Variants in CLVS2 observed in about 807,000 individuals in gnomAD.
CLVS2 encodes clavesin-2.
A neutral mutation model predicts 29.0 loss-of-function variants in CLVS2; 19 were observed. That is an observed-to-expected ratio of 0.66 (90% confidence interval 0.46 to 0.96). CLVS2 has a LOEUF of 0.96. CLVS2 is among the 40% of genes least tolerant of loss of function. The probability of loss-of-function intolerance (pLI) is 0.00; values close to 1 mark genes in which losing one functional copy is unlikely to be tolerated. For missense variants in CLVS2, 294 were observed against 404.1 expected (o/e 0.73, Z 2.34); for synonymous variants, 161 against 151.3 (o/e 1.06, Z -0.47).
intron 3 of CLVS2, among the ~76,000 whole-genome samples, chr6:123,043,989 A>C (rs2114349299): frequency 6.6e-6 from 1 of 152,332 alleles, no homozygotes; most frequent in Admixed American, 6.5e-5. Context: ...GATACATATC[A>C]ATTAATTTAC....
intron 2 of CLVS2, among the ~76,000 whole-genome samples, chr6:122,999,082 A>C (rs948749925): frequency 2.0e-5 from 3 of 152,232 alleles, no homozygotes; most frequent in Non-Finnish European, 4.4e-5. Context: ...ATTAAGTTCA[A>C]AGTTAAATAT....
intron 3 of CLVS2, among the ~76,000 whole-genome samples, chr6:123,018,777 A>G (rs1430629965): frequency 6.6e-6 from 1 of 151,262 alleles, no homozygotes; most frequent in Non-Finnish European, 1.5e-5. Context: ...TCATCCTGGG[A>G]TACCATTTGA....
chr6:123,001,753 G>A (rs990889637), intron 2 of CLVS2, among the ~76,000 whole-genome samples: 13 of 152,264 alleles, frequency 8.5e-5, no homozygotes, highest in African/African-American at 3.1e-4. Flanking sequence ...ATAATGTGCC[G>A]TAAAGCTAGC....
At chr6:123,010,108 G>T (rs1774727655) in intron 2 of CLVS2, among the ~76,000 whole-genome samples, 1 of 152,002 alleles carries the variant, frequency 6.6e-6, no homozygotes, top group South Asian at 2.1e-4. Context: ...GCTAAAATAT[G>T]TGTCATTTTT....
rs948577779 is a variant in CLVS2, at chr6:123,066,529, C to A, written c.*2768C>A. Reference sequence around the variant, plus strand: ...GAATGGTCCAGTAGTCCATTTACTTCTTTCACCCTGCCTGTTCCATCTTCT... The same window carrying A: ...GAATGGTCCAGTAGTCCATTTACTTATTTCACCCTGCCTGTTCCATCTTCT... On this transcript the variant is annotated 3_prime_UTR_variant, in exon 6 of 6. Coordinates refer to ENST00000275162, the MANE Select transcript of CLVS2 (RefSeq NM_001010852.4). The A allele has an allele frequency of 6.6e-6, 1 of 151,760 alleles. No individual in the cohort carries two copies. The highest frequency in any genetic ancestry group is 1.5e-5 in the Non-Finnish European group (1 of 67,780). 9.4% of individuals were successfully genotyped at this position (151,760 alleles called of 1,614,324 possible). A position where few individuals can be genotyped will look rare whatever the true frequency, so the allele number is the denominator to read the frequency against.
chr6:123,033,754 T>A (rs890177299), intron 3 of CLVS2, among the ~76,000 whole-genome samples: 1 of 152,016 alleles, frequency 6.6e-6, no homozygotes, highest in Non-Finnish European at 1.5e-5. Context: ...CTGTGAAACA[T>A]CCTGTTAAAA....
chr6:123,037,737 A>C (rs754932598), intron 3 of CLVS2, among the ~76,000 whole-genome samples: 1 of 152,000 alleles, frequency 6.6e-6, no homozygotes, highest in Admixed American at 6.6e-5. Context: ...AAAAAAGCTA[A>C]ATTAAACTAA....
At chr6:123,013,593 G>A (rs1215004037) in intron 3 of CLVS2, among the ~76,000 whole-genome samples, 1 of 151,866 alleles carries the variant, frequency 6.6e-6, no homozygotes, top group Non-Finnish European at 1.5e-5. Flanking sequence ...TTTTTCTCTT[G>A]AGTTGGCTGT....
At chr6:123,046,759 G>A (rs188724796) in intron 3 of CLVS2, among the ~76,000 whole-genome samples, 1 of 152,196 alleles carries the variant, frequency 6.6e-6, no homozygotes, top group East Asian at 1.9e-4. Flanking sequence ...TTCAGGTAGT[G>A]CAGCAGGTTA....
intron 5 of CLVS2, among the ~76,000 whole-genome samples, chr6:123,060,020 A>T (rs920522694): frequency 1.3e-5 from 2 of 152,230 alleles, no homozygotes; most frequent in Admixed American, 6.5e-5. Context: ...AAGGTGTTGC[A>T]CTTGATTCTC....
At chr6:123,010,011 C>T (rs1490459186) in intron 2 of CLVS2, among the ~76,000 whole-genome samples, 1 of 152,000 alleles carries the variant, frequency 6.6e-6, no homozygotes, top group Non-Finnish European at 1.5e-5. Context: ...CTATTCAAAA[C>T]TTTGTATTCC....
chr6:123,002,817 G>A (rs1179424337), intron 2 of CLVS2, among the ~76,000 whole-genome samples: 2 of 152,170 alleles, frequency 1.3e-5, no homozygotes. Flanking sequence ...TACTGGCAGA[G>A]TCTGGAGTCT....
At chr6:123,017,725 C>T (rs1242610041) in intron 3 of CLVS2, among the ~76,000 whole-genome samples, 3 of 152,038 alleles carry the variant, frequency 2.0e-5, no homozygotes, top group Non-Finnish European at 2.9e-5. Flanking sequence ...GTTCAGCAAG[C>T]AGGCTAAGGA....
intron 3 of CLVS2, among the ~76,000 whole-genome samples, chr6:123,014,992 G>T (rs1774804876): frequency 6.6e-6 from 1 of 151,212 alleles, no homozygotes; most frequent in African/African-American, 2.4e-5. Context: ...AGCTGGAAAG[G>T]TGAGGATTGT....
At position 123,063,698 on chromosome 6, in the gene CLVS2, A is replaced by G. The variant is rs1772811748; in HGVS notation, c.921A>G (p.Thr307=). 5 of 1,611,644 alleles carry G rather than the reference A, an allele frequency of 3.1e-6. No homozygotes were observed. The highest frequency in any genetic ancestry group is 4.2e-6 in the Non-Finnish European group (5 of 1,178,034). Residue 307 remains threonine, a synonymous_variant, in exon 6 of 6, where the codon ACA becomes ACG. Coordinates refer to ENST00000275162, the MANE Select transcript of CLVS2 (RefSeq NM_001010852.4). ...MKRSQSVVDP[T]VLKRMDKNEE... ...GATCTCAATCAGTAGTGGATCCTAC[A>G]GTACTAAAACGCATGGATAAAAATG... is the stretch of plus-strand genomic sequence containing the variant.
rs990417886 is a variant in CLVS2, at chr6:123,072,839, C to T, written c.*9078C>T. 3 of 151,778 alleles carry T rather than the reference C, an allele frequency of 2.0e-5. No homozygotes were observed. Among genetic ancestry groups the T allele is most frequent in the African/African-American group, 7.3e-5 (3 of 41,340 alleles). 9.4% of individuals were successfully genotyped at this position (151,778 alleles called of 1,614,324 possible). On this transcript the variant is annotated 3_prime_UTR_variant, in exon 6 of 6. Coordinates refer to ENST00000275162, the MANE Select transcript of CLVS2 (RefSeq NM_001010852.4). The stretch of plus-strand genomic sequence containing the variant: ...AAACCATTATATTAATATTTTATTT[C>T]TTTTTTTGCAGAGAAACTATTGTCT...
intron 3 of CLVS2, among the ~76,000 whole-genome samples, chr6:123,030,069 C>T (rs1027121196): frequency 6.6e-6 from 1 of 152,198 alleles, no homozygotes; most frequent in Admixed American, 6.6e-5. Flanking sequence ...ACTGCGCAAG[C>T]GCTGGCTGCC....
chr6:123,043,873 G>A (rs115934046), intron 3 of CLVS2, among the ~76,000 whole-genome samples: 2,144 of 152,124 alleles, frequency 0.014, 15 homozygotes, highest in Middle Eastern at 0.048. Context: ...GCTATGGTTC[G>A]GATTCTTTAC....
intron 4 of CLVS2, 86 bp downstream of exon 4, chr6:123,048,818 T>TA: frequency 3.7e-6 from 3 of 818,266 alleles, no homozygotes; most frequent in Admixed American, 2.1e-5. Flanking sequence ...TTAGCTATAG[T>TA]AAAATGTACT....
Sources: allele counts gnomAD v4.1 joint callset (sites outside exome capture counted in the v4.1 genomes callset), GRCh38; gene constraint gnomAD v4.1.1; transcripts MANE v1.5; gene names NCBI Gene and HGNC (gene_info 2026-07-23, HGNC 2026-07-21).